The following CHKA variants were observed in gnomAD, a reference collection of about 807,000 sequenced individuals.
The protein encoded by CHKA is CHETK-alpha.
A neutral mutation model predicts 60.1 loss-of-function variants in CHKA; 34 were observed. The observed-to-expected ratio is 0.57, with a 90% CI of 0.43 to 0.75. CHKA has a LOEUF of 0.75. Among genes scored for constraint, CHKA ranks in the 30% least tolerant of loss-of-function variants. CHKA has a pLI of 0.00. For synonymous variants in CHKA, 217 were observed against 223.1 expected (o/e 0.97, Z 0.24); for missense variants, 563 against 561.3 (o/e 1.00, Z -0.03).
intron 2 of CHKA, among the ~76,000 whole-genome samples, chr11:68,087,255 G>A (rs1221984622): frequency 2.0e-5 from 3 of 152,098 alleles, no homozygotes; most frequent in Non-Finnish European, 2.9e-5. Flanking sequence ...TGAGGGGGGC[G>A]GATCATTTGA....
chr11:68,061,107 T>G (rs904235648), intron 11 of CHKA, among the ~76,000 whole-genome samples: 12 of 141,622 alleles, frequency 8.5e-5, no homozygotes, highest in African/African-American at 2.1e-4. Flanking sequence ...TTTTTTTTTT[T>G]TTTTTTTTTT....
At chr11:68,073,022 A>G (rs866108815) in intron 4 of CHKA, among the ~76,000 whole-genome samples, 3 of 152,290 alleles carry the variant, frequency 2.0e-5, no homozygotes, top group Middle Eastern at 3.4e-3. Context: ...AATAAACAAT[A>G]CATACAAGAG....
chr11:68,108,911 C>T (rs1858021758), intron 1 of CHKA, among the ~76,000 whole-genome samples: 1 of 151,936 alleles, frequency 6.6e-6, no homozygotes. Flanking sequence ...TCAGTGTGGA[C>T]AACTGTGAGA....
intron 11 of CHKA, among the ~76,000 whole-genome samples, chr11:68,060,020 T>TA (rs1488146200): frequency 1.4e-5 from 2 of 142,386 alleles, no homozygotes; most frequent in Non-Finnish European, 3.1e-5. Flanking sequence ...GTTTCTGAGA[T>TA]AGAGTTTCAC....
chr11:68,075,992 T>C (rs2134566628), intron 3 of CHKA, among the ~76,000 whole-genome samples: 1 of 152,230 alleles, frequency 6.6e-6, no homozygotes, highest in Non-Finnish European at 1.5e-5. Flanking sequence ...AGGACAAACT[T>C]ATTAGGAAAT....
At chr11:68,081,288 A>G (rs558414833) in intron 3 of CHKA, 116 bp downstream of exon 3, 11 of 766,356 alleles carry the variant, frequency 1.4e-5, no homozygotes, top group Non-Finnish European at 2.4e-5. Context: ...CCTCGTAGAA[A>G]GATAGATCAG....
chr11:68,120,982 G>T lies in CHKA; in HGVS notation c.196C>A (p.Pro66Thr). 8.9e-7 allele frequency: 1 copy of T among 1,118,920 alleles called. No homozygotes were observed. Among genetic ancestry groups the T allele is most frequent in the Middle Eastern group, 2.6e-4 (1 of 3,790 alleles). 69.3% of individuals were successfully genotyped at this position (1,118,920 alleles called of 1,614,324 possible). The change falls in exon 1 of 12, where the codon CCG (proline) becomes ACG (threonine). Residue 66 changes from proline (P) to threonine (T), a missense_variant. By Grantham distance (38) the Pro-to-Thr change is conservative. Transcript: ENST00000265689. ...GGCGGGGGCTGGGGCAGCGGCAGCG[G>T]CAGCGGCAGCGGCGGCGGAGGGGGC... Reference protein sequence around the residue: ...ALPPPPPLPLPLPLPQPPPPQ... With the variant: ...ALPPPPPLPLTLPLPQPPPPQ...
intron 2 of CHKA, among the ~76,000 whole-genome samples, chr11:68,094,506 AC>A (rs1395306625): frequency 6.6e-6 from 1 of 152,228 alleles, no homozygotes; most frequent in African/African-American, 2.4e-5. Context: ...GTGCCACTAC[AC>A]TACAGCCTGG....
At chr11:68,083,005 C>A (rs1244960358) in intron 2 of CHKA, among the ~76,000 whole-genome samples, 1 of 152,188 alleles carries the variant, frequency 6.6e-6, no homozygotes, top group African/African-American at 2.4e-5. Context: ...TCCCTTCACC[C>A]TAATTCCAAA....
intron 11 of CHKA, among the ~76,000 whole-genome samples, chr11:68,060,030 C>CTTTTTTTTTT (rs1273937830): frequency 1.8e-4 from 19 of 104,844 alleles, no homozygotes; most frequent in African/African-American, 3.5e-4. Flanking sequence ...TAGAGTTTCA[C>CTTTTTTTTTT]TCTTTTTTTT....
intron 2 of CHKA, among the ~76,000 whole-genome samples, chr11:68,095,829 G>T (rs1387926025): frequency 6.6e-6 from 1 of 151,216 alleles, no homozygotes; most frequent in African/African-American, 2.4e-5. Context: ...ATCACCTGAG[G>T]TCACAAGTTT....
intron 1 of CHKA, among the ~76,000 whole-genome samples, chr11:68,108,006 T>C (rs954657081): frequency 6.6e-6 from 1 of 152,178 alleles, no homozygotes; most frequent in Non-Finnish European, 1.5e-5. Context: ...GGAGATTCCC[T>C]GCCACTGACA....
chr11:68,088,088 G>A (rs949051413), intron 2 of CHKA, among the ~76,000 whole-genome samples: 2 of 128,948 alleles, frequency 1.6e-5, no homozygotes, highest in African/African-American at 5.9e-5. Context: ...ACTCTAGCTT[G>A]GGCGACAGTG....
intron 11 of CHKA, chr11:68,061,702 A>G: frequency 1.8e-6 from 1 of 552,452 alleles, no homozygotes; most frequent in Non-Finnish European, 3.5e-6. Context: ...CAGGGGAGGC[A>G]AGGTCAGCTG....
chr11:68,062,180 G>A (rs1856273705), intron 10 of CHKA, 146 bp from the exon 11 acceptor site: 1 of 624,842 alleles, frequency 1.6e-6, no homozygotes, highest in Non-Finnish European at 2.9e-6. Context: ...ATATTCCACG[G>A]GACTAACTAA....
intron 11 of CHKA, among the ~76,000 whole-genome samples, chr11:68,056,014 C>T (rs1856002607): frequency 6.6e-6 from 1 of 152,064 alleles, no homozygotes; most frequent in Admixed American, 6.6e-5. Context: ...CACCATTGAA[C>T]TCCAGCCTGC....
intron 2 of CHKA, among the ~76,000 whole-genome samples, chr11:68,092,450 T>C (rs192430889): frequency 1.4e-3 from 213 of 152,306 alleles, no homozygotes; most frequent in African/African-American, 4.6e-3. Context: ...AAATAAATAA[T>C]AGAAACTTTA....
intron 2 of CHKA, among the ~76,000 whole-genome samples, chr11:68,090,519 A>G (rs1857316756): frequency 6.6e-6 from 1 of 152,212 alleles, no homozygotes; most frequent in Admixed American, 6.5e-5. Context: ...AGTAGCTGGT[A>G]GTTTAATATT....
chr11:68,059,362 A>G (rs983564906), intron 11 of CHKA, among the ~76,000 whole-genome samples: 4 of 152,196 alleles, frequency 2.6e-5, no homozygotes, highest in Admixed American at 1.3e-4. Context: ...ATGAAGAATT[A>G]TATGAACTGA....
Sources: allele counts gnomAD v4.1 joint callset (sites outside exome capture counted in the v4.1 genomes callset), GRCh38; gene constraint gnomAD v4.1.1; transcripts MANE v1.5; gene names NCBI Gene and HGNC (gene_info 2026-07-23, HGNC 2026-07-21).